OSBPL9: variants seen among roughly 807,000 people sequenced by gnomAD.
OSBPL9 encodes the protein oxysterol binding protein like 9.
Under a neutral mutation model 106.6 loss-of-function variants are expected in OSBPL9, and 40 were observed. The observed-to-expected ratio is 0.38, with a 90% confidence interval of 0.29 to 0.49. OSBPL9 has a LOEUF of 0.49. OSBPL9 is among the 20% of genes least tolerant of loss of function. The pLI is 0.97. For missense variants in OSBPL9, 609 were observed against 887.2 expected (o/e 0.69, Z 3.98); for synonymous variants, 269 against 295.4 (o/e 0.91, Z 0.92).
intron 2 of OSBPL9, among the ~76,000 whole-genome samples, chr1:51,659,104 G>A (rs1646988105): frequency 6.6e-6 from 1 of 152,022 alleles, no homozygotes; most frequent in Non-Finnish European, 1.5e-5. Context: ...AGTGATGGAA[G>A]AATATATTCC....
chr1:51,682,450 A>G (rs1384444352), intron 3 of OSBPL9, among the ~76,000 whole-genome samples: 1 of 152,054 alleles, frequency 6.6e-6, no homozygotes, highest in Non-Finnish European at 1.5e-5. Context: ...ATTGTCCATC[A>G]GTAGATGAAC....
At chr1:51,656,404 A>G (rs932457132) in intron 2 of OSBPL9, among the ~76,000 whole-genome samples, 4 of 152,092 alleles carry the variant, frequency 2.6e-5, no homozygotes, top group East Asian at 3.9e-4. Context: ...ATCCCATCCT[A>G]TATTTGAATC....
intron 3 of OSBPL9, among the ~76,000 whole-genome samples, chr1:51,712,845 C>T (rs896161868): frequency 1.3e-5 from 2 of 152,172 alleles, no homozygotes; most frequent in Non-Finnish European, 2.9e-5. Context: ...AATTTAGCAG[C>T]TAAGATGATG....
At chr1:51,680,461 C>T (rs912275830) in intron 3 of OSBPL9, among the ~76,000 whole-genome samples, 3 of 151,788 alleles carry the variant, frequency 2.0e-5, no homozygotes, top group African/African-American at 7.3e-5. Flanking sequence ...TTGAGACCAG[C>T]CTAGCCAACA....
chr1:51,688,673 C>T (rs544411446), intron 3 of OSBPL9, among the ~76,000 whole-genome samples: 11 of 152,166 alleles, frequency 7.2e-5, no homozygotes, highest in Non-Finnish European at 1.3e-4. Context: ...AAAGTTTTTA[C>T]ATTTTGTACT....
intron 2 of OSBPL9, among the ~76,000 whole-genome samples, chr1:51,608,911 A>G (rs1346666528): frequency 6.6e-6 from 1 of 151,992 alleles, no homozygotes; most frequent in Non-Finnish European, 1.5e-5. Context: ...TGCTACCAAT[A>G]GTTTGTATGT....
At chr1:51,771,791 A>G (rs1044044893) in intron 12 of OSBPL9, among the ~76,000 whole-genome samples, 8 of 152,192 alleles carry the variant, frequency 5.3e-5, no homozygotes, top group African/African-American at 1.9e-4. Context: ...ACATATTTAG[A>G]TTTATACCCA....
At chr1:51,772,525 A>C in intron 13 of OSBPL9, 80 bp from the exon 14 acceptor site, 2 of 1,189,374 alleles carry the variant, frequency 1.7e-6, no homozygotes, top group Non-Finnish European at 2.5e-6. Context: ...CAAACAAACA[A>C]ACAAACAAAA....
At chr1:51,660,132 GA>G (rs1647048666) in intron 2 of OSBPL9, among the ~76,000 whole-genome samples, 1 of 151,728 alleles carries the variant, frequency 6.6e-6, no homozygotes, top group Admixed American at 6.6e-5. Context: ...GTGTCCATAT[GA>G]AAAAAAGAAG....
intron 2 of OSBPL9, among the ~76,000 whole-genome samples, chr1:51,662,818 C>T (rs1647364967): frequency 6.8e-6 from 1 of 147,816 alleles, no homozygotes; most frequent in Admixed American, 6.8e-5. Context: ...GATCTCGGCT[C>T]ACTGTAAGCT....
At chr1:51,556,036 T>C in the OSBPL9 span, among the ~76,000 whole-genome samples, 2 of 152,220 alleles carry the variant, frequency 1.3e-5, no homozygotes, top group Non-Finnish European at 2.9e-5. Flanking sequence ...ACACAAGTCA[T>C]GGAGTCAGAC....
chr1:51,656,726 T>A (rs912485782), intron 2 of OSBPL9, among the ~76,000 whole-genome samples: 3 of 151,112 alleles, frequency 2.0e-5, no homozygotes, highest in Non-Finnish European at 4.4e-5. Flanking sequence ...ATGGTGCGAT[T>A]ATAGCTCACT....
At chr1:51,732,000 A>G (rs937586990) in intron 4 of OSBPL9, among the ~76,000 whole-genome samples, 2 of 152,230 alleles carry the variant, frequency 1.3e-5, no homozygotes, top group Admixed American at 6.5e-5. Context: ...CTAAAGTTCT[A>G]TGATATTTTT....
intron 6 of OSBPL9, 130 bp from the exon 7 acceptor site, chr1:51,748,235 CCCTT>C: frequency 1.0e-6 from 1 of 982,226 alleles, no homozygotes; most frequent in South Asian, 2.4e-5. Context: ...AAAAAGTACT[CCCTT>C]CCCAACTTGC....
the OSBPL9 span, among the ~76,000 whole-genome samples, chr1:51,544,231 C>T: frequency 2.0e-5 from 3 of 152,140 alleles, no homozygotes; most frequent in African/African-American, 7.2e-5. Context: ...TGTGGTGGCA[C>T]ACACCTGTAA....
rs1332781984 is a variant in OSBPL9, at chr1:51,787,337, T to TA, written c.2001-15dup. On this transcript the variant is annotated splice_polypyrimidine_tract_variant and intron_variant, in intron 22 of 23. Transcript: ENST00000428468. ...CATTCTCAACATTGGCAGCTCCTCT[T>TA]ACCTCTTTGTTTTAGCCTTTGGAAG... is the stretch of plus-strand genomic sequence containing the variant. 6.2e-7 allele frequency: 1 copy of TA among 1,612,398 alleles called. No individual in the cohort carries two copies. The highest frequency in any genetic ancestry group is 1.3e-5 in the African/African-American group (1 of 74,970).
chr1:51,590,627 A>G (rs1011761165), intron 1 of OSBPL9, among the ~76,000 whole-genome samples: 2 of 151,420 alleles, frequency 1.3e-5, no homozygotes, highest in African/African-American at 4.8e-5. Flanking sequence ...CTCAAAAAAA[A>G]AAAAAAAAGA....
At chr1:51,519,447 G>A in the OSBPL9 span, 4 of 176,312 alleles carry the variant, frequency 2.3e-5, no homozygotes, top group Admixed American at 1.9e-4. Context: ...CCAAACCCTG[G>A]CGCCGGAGTC....
chr1:51,529,738 C>T, the OSBPL9 span, among the ~76,000 whole-genome samples: 2 of 151,152 alleles, frequency 1.3e-5, no homozygotes, highest in Non-Finnish European at 2.9e-5. Flanking sequence ...TATTCACATG[C>T]AACTACATAT....
Sources: allele counts gnomAD v4.1 joint callset (sites outside exome capture counted in the v4.1 genomes callset), GRCh38; gene constraint gnomAD v4.1.1; transcripts MANE v1.5; gene names NCBI Gene and HGNC (gene_info 2026-07-23, HGNC 2026-07-21).